Variants in SLA2 observed in about 807,000 individuals in gnomAD.
The protein encoded by SLA2 is Src like adaptor 2.
Under a neutral mutation model 27.3 loss-of-function variants are expected in SLA2, and 22 were observed. The ratio of observed to expected loss-of-function variants is 0.81; its 90% confidence interval spans 0.58 to 1.15. The LOEUF (loss-of-function observed/expected upper bound fraction) is 1.15, where lower values mean the gene tolerates loss of function less well. Ranked by LOEUF, SLA2 falls within the 50% of genes most tolerant of loss-of-function variation. The pLI is 0.00. For missense variants in SLA2, 304 were observed against 322.2 expected, an observed-to-expected ratio of 0.94 and a Z score of 0.43; for synonymous variants, 131 against 137.8, an observed-to-expected ratio of 0.95 and a Z score of 0.34.
At chr20:36,634,638 C>T (rs370590170) in intron 2 of SLA2, 49 bp from the exon 3 acceptor site, 28 of 1,284,416 alleles carry the variant, frequency 2.2e-5, no homozygotes, top group South Asian at 6.7e-5. Flanking sequence ...CCCTGCTCCA[C>T]GCATGAGGTC....
intron 5 of SLA2, among the ~76,000 whole-genome samples, chr20:36,626,419 C>T (rs1200093807): frequency 6.6e-6 from 1 of 151,158 alleles, no homozygotes; most frequent in Non-Finnish European, 1.5e-5. Flanking sequence ...CAAAAATTCG[C>T]AGGGCGTGGA....
At chr20:36,635,500 G>A (rs2039435553) in intron 2 of SLA2, among the ~76,000 whole-genome samples, 1 of 151,774 alleles carries the variant, frequency 6.6e-6, no homozygotes. Flanking sequence ...GGCACCGTGT[G>A]GGCTGAAGGG....
At chr20:36,632,498 G>T in intron 5 of SLA2, 97 bp downstream of exon 5, 1 of 926,110 alleles carries the variant, frequency 1.1e-6, no homozygotes, top group Non-Finnish European at 1.7e-6. Context: ...GTCAGGCAAA[G>T]CCTATTTTCT....
At chr20:36,637,235 C>A (rs2039460842) in intron 2 of SLA2, among the ~76,000 whole-genome samples, 1 of 135,716 alleles carries the variant, frequency 7.4e-6, no homozygotes, top group Non-Finnish European at 1.5e-5. Flanking sequence ...CGGAGTCTCG[C>A]TCTGTCGCCC....
intron 2 of SLA2, among the ~76,000 whole-genome samples, chr20:36,640,817 C>G (rs926426988): frequency 6.6e-6 from 1 of 152,170 alleles, no homozygotes. Context: ...GTGCCCCACC[C>G]TGGCCTAAAA....
At chr20:36,636,030 G>T (rs1050442164) in intron 2 of SLA2, among the ~76,000 whole-genome samples, 2 of 152,202 alleles carry the variant, frequency 1.3e-5, no homozygotes, top group South Asian at 4.2e-4. Context: ...TGTCCCTGGG[G>T]CTCAACTGTC....
At chr20:36,637,883 C>CTTTTT (rs35354699) in intron 2 of SLA2, among the ~76,000 whole-genome samples, 7 of 89,376 alleles carry the variant, frequency 7.8e-5, no homozygotes, top group Non-Finnish European at 1.3e-4. Context: ...GCCTCGGCCT[C>CTTTTT]TTTTTTTTTT....
At chr20:36,630,431 G>A (rs986412525) in intron 5 of SLA2, among the ~76,000 whole-genome samples, 9 of 152,166 alleles carry the variant, frequency 5.9e-5, no homozygotes, top group East Asian at 1.9e-4. Flanking sequence ...CAAGGCGGGC[G>A]CCAGGAGGTC....
intron 1 of SLA2, 78 bp from the exon 2 acceptor site, chr20:36,641,456 C>A: frequency 2.7e-6 from 2 of 748,588 alleles, no homozygotes; most frequent in South Asian, 3.2e-5. Flanking sequence ...CCAGATCGGC[C>A]CTGGCTACCT....
In SLA2 at chr20:36,641,308, A is replaced by C; in HGVS notation, c.28T>G (p.Ser10Ala). ...GAACTCAAGCTTGGGCTTGGCAGAG[A>C]TTTTCTTCTGCTGGGCAGACTTCCC... MGSLPSRRK[S>A]LPSPSLSSSV... Residue 10 changes from serine (S) to alanine (A), a missense_variant, in exon 2 of 8, where the codon TCT (serine) becomes GCT (alanine). Ser to Ala is a moderately conservative substitution (Grantham distance 99, BLOSUM62 1). Transcript: ENST00000262866. The C allele has an allele frequency of 6.2e-7, 1 of 1,613,934 alleles. No individual in the cohort carries two copies. Among genetic ancestry groups the C allele is most frequent in the Non-Finnish European group, 8.5e-7 (1 of 1,179,930 alleles).
intron 2 of SLA2, among the ~76,000 whole-genome samples, chr20:36,635,703 A>G (rs2039437972): frequency 6.6e-6 from 1 of 152,014 alleles, no homozygotes; most frequent in Non-Finnish European, 1.5e-5. Context: ...TGATGCTTGG[A>G]CAAATGATGC....
intron 5 of SLA2, among the ~76,000 whole-genome samples, chr20:36,631,613 T>C (rs1812747982): frequency 6.6e-6 from 1 of 152,162 alleles, no homozygotes; most frequent in Admixed American, 6.5e-5. Flanking sequence ...CACACTTGGC[T>C]CTTGGCATTG....
In SLA2 at chr20:36,619,177, C is replaced by T. The variant is rs113134844; in HGVS notation, c.383-3803G>A. On this transcript the variant is annotated intron_variant, in intron 5 of 7. Transcript: ENST00000262866. Reference sequence around the variant, plus strand: ...TGGAGGTTGCAGTAAGCTGAGATCACGCCACTGCACTCCAGCTTGGGCAAT... The same window carrying T: ...TGGAGGTTGCAGTAAGCTGAGATCATGCCACTGCACTCCAGCTTGGGCAAT... Among the ~76,000 whole-genome samples, 667 of 140,930 alleles carry T rather than the reference C, an allele frequency of 4.7e-3. 6 individuals are homozygous for T. The highest frequency in any genetic ancestry group is 0.017 in the African/African-American group (638 of 37,534). The allele number at this position is 140,930 out of a possible 152,430, so 92.5% of individuals were successfully genotyped here. A position where few individuals can be genotyped will look rare whatever the true frequency, so the allele number is the denominator to read the frequency against.
At chr20:36,636,623 A>ATATAT (rs1555793206) in intron 2 of SLA2, among the ~76,000 whole-genome samples, 65 of 114,680 alleles carry the variant, frequency 5.7e-4, no homozygotes, top group African/African-American at 2.3e-3. Context: ...AAAAAAAAAA[A>ATATAT]ATATATATAT....
intron 7 of SLA2, 84 bp from the exon 8 acceptor site, chr20:36,614,070 A>C: frequency 6.4e-7 from 1 of 1,569,816 alleles, no homozygotes; most frequent in Non-Finnish European, 8.6e-7. Flanking sequence ...CTGTTCTCAA[A>C]ACCCTTCACT....
At chr20:36,628,237 T>C (rs1274264777) in intron 5 of SLA2, among the ~76,000 whole-genome samples, 2 of 152,194 alleles carry the variant, frequency 1.3e-5, no homozygotes, top group Non-Finnish European at 2.9e-5. Context: ...TTCTATGACG[T>C]CACTTGGGCC....
intron 1 of SLA2, among the ~76,000 whole-genome samples, chr20:36,644,662 G>A (rs1465784097): frequency 2.0e-5 from 3 of 152,176 alleles, no homozygotes; most frequent in Non-Finnish European, 4.4e-5. Flanking sequence ...GCCCCTGGGG[G>A]CAAAATAAAG....
chr20:36,639,633 C>T (rs1478361919), intron 2 of SLA2, among the ~76,000 whole-genome samples: 1 of 151,476 alleles, frequency 6.6e-6, no homozygotes, highest in East Asian at 1.9e-4. Flanking sequence ...GTGGGTGGAT[C>T]ACGAGGTCAG....
rs541167978 is a variant in SLA2 at position 36,614,501 on chromosome 20, A to G, written c.533-64T>C. 2,603 of 1,534,016 alleles carry G rather than the reference A, an allele frequency of 1.7e-3. 34 individuals are homozygous for G. Among genetic ancestry groups the G allele is most frequent in the South Asian group, 0.015 (1,145 of 77,914 alleles). On this transcript the variant is annotated intron_variant, in intron 6 of 7. Transcript: ENST00000262866. ...ACCCTACTTCTCCCCAACAGCCCTC[A>G]CCCTGACAGCCCTCTGCAGTTGGCA...
Sources: allele counts gnomAD v4.1 joint callset (sites outside exome capture counted in the v4.1 genomes callset), GRCh38; gene constraint gnomAD v4.1.1; transcripts MANE v1.5; gene names NCBI Gene and HGNC (gene_info 2026-07-23, HGNC 2026-07-21).